Variants in MTUS1 observed in about 807,000 individuals in gnomAD.
MTUS1 encodes the protein microtubule-associated tumor suppressor 1.
Under a neutral mutation model 120.8 loss-of-function variants are expected in MTUS1, and 109 were observed. That is an observed-to-expected ratio of 0.90 (90% CI 0.77 to 1.06). The LOEUF is 1.06. MTUS1 is among the 50% of genes least tolerant of loss of function. The pLI, the probability that MTUS1 is intolerant of heterozygous loss-of-function variation, is 0.00. For missense variants in MTUS1, 2,210 were observed against 1,486.3 expected (o/e 1.49, Z -8.01); for synonymous variants, 737 against 550.5 (o/e 1.34, Z -4.74).
Position 17,753,697 on chromosome 8 carries a change from AATAT to A in MTUS1, c.2091+16_2091+19del, listed in dbSNP as rs748302796. ...CCACAGTTCTCTGAAGCATGCAAAA[AATAT>A]ATATATATTACTTACCAAAAACAGA... On this transcript the variant is annotated intron_variant, in intron 2 of 14. Coordinates refer to ENST00000693296, the MANE Select transcript of MTUS1 (RefSeq NM_001363059.2). The A allele has an allele frequency of 9.4e-6, 14 of 1,488,682 alleles. 1 individual carries two copies. In the South Asian group the frequency reaches 1.6e-4, roughly 17 times the overall value. The allele number at this position is 1,488,682 out of a possible 1,614,324, so 92.2% of individuals were successfully genotyped here. A position where few individuals can be genotyped will look rare whatever the true frequency, so the allele number is the denominator to read the frequency against.
rs141178296 is a variant in MTUS1, at chr8:17,702,103, A to G, written c.2623+11111T>C. Among the ~76,000 whole-genome samples the G allele has an allele frequency of 8.1e-3, 1,232 of 152,318 alleles. 22 individuals are homozygous for G. Among genetic ancestry groups the G allele is most frequent in the African/African-American group, 0.028 (1,172 of 41,576 alleles). ...TGTAAACAATTCTGAAAAGCAGTCA[A>G]TAAGTAAATAAATTACTTTCCTAGG... is the stretch of plus-strand genomic sequence containing the variant. On this transcript the variant is annotated intron_variant, in intron 6 of 14. Coordinates refer to ENST00000693296, the MANE Select transcript of MTUS1 (RefSeq NM_001363059.2).
At chr8:17,746,010 C>T (rs1207684947) in intron 2 of MTUS1, among the ~76,000 whole-genome samples, 1 of 152,200 alleles carries the variant, frequency 6.6e-6, no homozygotes, top group Non-Finnish European at 1.5e-5. Flanking sequence ...CTCTCTTCCT[C>T]CTCCTCCAGT....
chr8:17,645,744 A>T lies in MTUS1; in HGVS notation c.*182T>A. 1.4e-6 allele frequency: 1 copy of T among 726,540 alleles called. No homozygotes were observed. Among genetic ancestry groups the T allele is most frequent in the Non-Finnish European group, 2.0e-6 (1 of 490,730 alleles). 45.0% of individuals were successfully genotyped at this position (726,540 alleles called of 1,614,324 possible). A position where few individuals can be genotyped will look rare whatever the true frequency, so the allele number is the denominator to read the frequency against. On this transcript the variant is annotated 3_prime_UTR_variant, in exon 15 of 15. Transcript: ENST00000693296. ...TTGGAGGAATCTTTTGGACGGAGGC[A>T]AAAGTCTTCCTCCAGAGTTCCAGTC...
At chr8:17,714,894 CTTTTTTTTTTTT>C (rs34479493) in intron 5 of MTUS1, among the ~76,000 whole-genome samples, 136 of 55,198 alleles carry the variant, frequency 2.5e-3, no homozygotes, top group African/African-American at 9.3e-3. Context: ...ACAAATAATG[CTTTTTTTTTTTT>C]TTTTTTTTTT....
At chr8:17,779,754 G>T (rs1293644206) in intron 1 of MTUS1, among the ~76,000 whole-genome samples, 4 of 152,232 alleles carry the variant, frequency 2.6e-5, no homozygotes, top group African/African-American at 9.6e-5. Context: ...GCCTCTAAGA[G>T]ATTCTTCTTT....
At chr8:17,685,073 A>G (rs1435616878) in intron 6 of MTUS1, among the ~76,000 whole-genome samples, 2 of 152,208 alleles carry the variant, frequency 1.3e-5, no homozygotes, top group East Asian at 3.8e-4. Context: ...CTAATAAATC[A>G]TAACATACAT....
chr8:17,667,749 T>G (rs1563166579), intron 8 of MTUS1, among the ~76,000 whole-genome samples: 1 of 152,246 alleles, frequency 6.6e-6, no homozygotes, highest in Non-Finnish European at 1.5e-5. Flanking sequence ...CTAGCCATCT[T>G]GGGTTCTTAT....
chr8:17,751,939 A>C (rs1314039419), intron 2 of MTUS1, among the ~76,000 whole-genome samples: 1 of 151,984 alleles, frequency 6.6e-6, no homozygotes, highest in Non-Finnish European at 1.5e-5. Context: ...GCATATGCGA[A>C]TATGGGACAA....
intron 6 of MTUS1, among the ~76,000 whole-genome samples, chr8:17,695,632 A>G (rs1817791722): frequency 6.6e-6 from 1 of 152,212 alleles, no homozygotes. Flanking sequence ...GACAACTTAG[A>G]ATGTCTACTA....
rs34479493 is a variant in MTUS1 at position 17,714,894 on chromosome 8, CTTTTTTTTTTT to C, written c.2584+862_2584+872del. 5.3e-4 allele frequency among the ~76,000 whole-genome samples: 29 copies of C among 55,194 alleles called. 1 individual carries two copies. Among genetic ancestry groups the C allele is most frequent in the Admixed American group, 1.1e-3 (5 of 4,452 alleles). 36.2% of individuals were successfully genotyped at this position (55,194 alleles called of 152,430 possible). A position where few individuals can be genotyped will look rare whatever the true frequency, so the allele number is the denominator to read the frequency against. On this transcript the variant is annotated intron_variant, in intron 5 of 14. Transcript: ENST00000693296. ...TTCAGTTCACTAAGCACAAATAATG[CTTTTTTTTTTT>C]TTTTTTTTTTTTTTTTTTGAGACAG...
rs116666025 is a variant in MTUS1 at position 17,672,961 on chromosome 8, G to C, written c.2905+2225C>G. 7.2e-3 allele frequency among the ~76,000 whole-genome samples: 1,097 copies of C among 152,308 alleles called. 18 individuals carry two copies. The highest frequency in any genetic ancestry group is 0.025 in the African/African-American group (1,021 of 41,554). ...AAAGAGCATCCTTCATTGAAGCAGA[G>C]CGAATGGGCACAGTGTTCCATTCTC... On this transcript the variant is annotated intron_variant, in intron 8 of 14. Coordinates refer to ENST00000693296, the MANE Select transcript of MTUS1 (RefSeq NM_001363059.2).
At chr8:17,741,078 C>A (rs1449726925) in intron 3 of MTUS1, among the ~76,000 whole-genome samples, 1 of 152,040 alleles carries the variant, frequency 6.6e-6, no homozygotes, top group African/African-American at 2.4e-5. Context: ...CCCACATTCC[C>A]ACATTGGCCA....
At chr8:17,791,904 AC>A (rs1329647497) in intron 1 of MTUS1, among the ~76,000 whole-genome samples, 1 of 152,314 alleles carries the variant, frequency 6.6e-6, no homozygotes, top group African/African-American at 2.4e-5. Context: ...TTTTCTATAT[AC>A]CTGGCACCTG....
chr8:17,773,747 T>C (rs1019407100), intron 1 of MTUS1, among the ~76,000 whole-genome samples: 14 of 152,152 alleles, frequency 9.2e-5, no homozygotes, highest in Non-Finnish European at 1.9e-4. Flanking sequence ...ATATAAAATT[T>C]GGGAGTCACA....
intron 2 of MTUS1, chr8:17,748,246 G>A (rs2047919292): frequency 2.0e-5 from 3 of 152,230 alleles, no homozygotes; most frequent in Admixed American, 2.0e-4. Flanking sequence ...GCTTAGCTTT[G>A]GAGAAGAGCC....
At chr8:17,748,831 T>C (rs1261788874) in intron 2 of MTUS1, among the ~76,000 whole-genome samples, 1 of 152,160 alleles carries the variant, frequency 6.6e-6, no homozygotes, top group African/African-American at 2.4e-5. Flanking sequence ...CAGGGTCTCT[T>C]TTTTCCCTAC....
chr8:17,690,529 C>T (rs1478292258), intron 6 of MTUS1, among the ~76,000 whole-genome samples: 1 of 152,174 alleles, frequency 6.6e-6, no homozygotes, highest in Non-Finnish European at 1.5e-5. Context: ...AATCCCACTG[C>T]TGGGTATCTT....
chr8:17,728,989 C>T (rs1282503757), intron 3 of MTUS1, among the ~76,000 whole-genome samples: 1 of 152,154 alleles, frequency 6.6e-6, no homozygotes, highest in African/African-American at 2.4e-5. Flanking sequence ...CAGTATGGCA[C>T]ACAAGTGGCA....
At chr8:17,735,975 G>C (rs115191081) in intron 3 of MTUS1, among the ~76,000 whole-genome samples, 1 of 152,170 alleles carries the variant, frequency 6.6e-6, no homozygotes, top group Non-Finnish European at 1.5e-5. Flanking sequence ...TCATTGGAAC[G>C]ATTTGCTTAG....
Sources: gnomAD v4.1 joint callset for allele counts (sites outside exome capture counted in the v4.1 genomes callset) on GRCh38, gnomAD v4.1.1 for gene constraint, MANE v1.5 for transcripts, NCBI Gene and HGNC (gene_info 2026-07-23, HGNC 2026-07-21) for gene names.